Variants in STK32B observed in about 807,000 individuals in gnomAD.
STK32B encodes serine/threonine kinase 32B.
In STK32B, 43 loss-of-function variants were observed where a neutral mutation model predicts 52.6. That is an observed-to-expected ratio of 0.82 (90% CI 0.64 to 1.05). The LOEUF (loss-of-function observed/expected upper bound fraction) is 1.05, where lower values mean the gene tolerates loss of function less well. Among genes scored for constraint, STK32B ranks in the 50% least tolerant of loss-of-function variants. STK32B has a pLI of 0.00. For missense variants in STK32B, 621 were observed against 534.6 expected (o/e 1.16, Z -1.59); for synonymous variants, 238 against 204.3 (o/e 1.17, Z -1.41).
At chr4:5,110,803 A>G (rs1278159893) in intron 1 of STK32B, among the ~76,000 whole-genome samples, 3 of 152,170 alleles carry the variant, frequency 2.0e-5, no homozygotes, top group African/African-American at 7.2e-5. Flanking sequence ...AGCAAAAGAA[A>G]TAATCAACAG....
At chr4:5,262,884 C>T (rs1307561029) in intron 3 of STK32B, among the ~76,000 whole-genome samples, 11 of 152,056 alleles carry the variant, frequency 7.2e-5, no homozygotes, top group Non-Finnish European at 8.8e-5. Flanking sequence ...GTATTTTTCA[C>T]AGTAAACATT....
At chr4:5,030,689 A>G in the STK32B span, among the ~76,000 whole-genome samples, 1 of 152,256 alleles carries the variant, frequency 6.6e-6, no homozygotes, top group South Asian at 2.1e-4. Flanking sequence ...ATTAATTAAT[A>G]GTGGAGCCCA....
chr4:5,471,446 G>A (rs552426942), intron 11 of STK32B, among the ~76,000 whole-genome samples: 5 of 152,112 alleles, frequency 3.3e-5, no homozygotes, highest in Non-Finnish European at 5.9e-5. Flanking sequence ...GCCATCCAGC[G>A]CTGGGAGGAA....
chr4:5,376,862 C>T (rs915851891), intron 4 of STK32B, among the ~76,000 whole-genome samples: 1 of 152,158 alleles, frequency 6.6e-6, no homozygotes, highest in Non-Finnish European at 1.5e-5. Context: ...CATGCTCTGC[C>T]CTCGGCCTGC....
chr4:5,365,472 C>A (rs1734815830), intron 4 of STK32B, among the ~76,000 whole-genome samples: 1 of 152,138 alleles, frequency 6.6e-6, no homozygotes, highest in African/African-American at 2.4e-5. Flanking sequence ...TAAATATAAC[C>A]TCTTTTTATT....
At chr4:5,449,520 C>A (rs1385073244) in intron 7 of STK32B, among the ~76,000 whole-genome samples, 1 of 152,196 alleles carries the variant, frequency 6.6e-6, no homozygotes, top group Non-Finnish European at 1.5e-5. Flanking sequence ...GCAGAGGGAC[C>A]AAGTCCTGTT....
Position 5,334,238 on chromosome 4 carries a change from A to C in STK32B, c.434+2845A>C, listed in dbSNP as rs1224092479. ...CTAGGTATTTTATTGTCTTTGAAGCAATTGTGAATGGGAATTCACTCATGA... is the reference window on the plus strand; with the variant it reads ...CTAGGTATTTTATTGTCTTTGAAGCCATTGTGAATGGGAATTCACTCATGA... On this transcript the variant is annotated intron_variant, in intron 4 of 11. Transcript: ENST00000282908. Among the ~76,000 whole-genome samples the C allele has an allele frequency of 3.3e-5, 5 of 152,090 alleles. No homozygotes were observed. In the South Asian group the frequency reaches 8.3e-4, roughly 25 times the overall value.
Position 5,168,375 on chromosome 4 carries a change from G to C in STK32B, c.185G>C (p.Arg62Thr), listed in dbSNP as rs541483207. ...ATGAACAAGCAGAAGTGCATCGAGAGGGATGAGGTTCGGAATGTTTTCCGG... is the reference window on the plus strand; with the variant it reads ...ATGAACAAGCAGAAGTGCATCGAGACGGATGAGGTTCGGAATGTTTTCCGG... ...KYMNKQKCIE[R>T]DEVRNVFREL... Residue 62 changes from arginine to threonine, a missense_variant, in exon 3 of 12, where the codon AGG (arginine) becomes ACG (threonine). Transcript: ENST00000282908. 4.3e-6 allele frequency: 7 copies of C among 1,613,936 alleles called. No homozygotes were observed. In the South Asian group the frequency reaches 4.4e-5, roughly 10 times the overall value.
intron 4 of STK32B, among the ~76,000 whole-genome samples, chr4:5,364,496 T>A (rs1577398849): frequency 6.6e-6 from 1 of 151,374 alleles, no homozygotes; most frequent in African/African-American, 2.4e-5. Flanking sequence ...TGGAAGGGGG[T>A]TTCTCTTTCA....
At chr4:5,262,546 A>G (rs1005023522) in intron 3 of STK32B, among the ~76,000 whole-genome samples, 5 of 151,492 alleles carry the variant, frequency 3.3e-5, no homozygotes, top group Non-Finnish European at 7.4e-5. Context: ...AATGGCGTGA[A>G]CCTGGGAGAT....
At chr4:5,140,114 T>C in intron 2 of STK32B, 154 bp downstream of exon 2, 2 of 1,404,372 alleles carry the variant, frequency 1.4e-6, no homozygotes, top group East Asian at 4.7e-5. Flanking sequence ...ATAGTTTCCT[T>C]GCGATCTGGT....
intron 1 of STK32B, among the ~76,000 whole-genome samples, chr4:5,112,317 T>C (rs1190494594): frequency 6.6e-6 from 1 of 152,160 alleles, no homozygotes; most frequent in Non-Finnish European, 1.5e-5. Context: ...TTATAAGGAA[T>C]TGATTCATGT....
chr4:5,402,988 C>G (rs73093887), intron 5 of STK32B, among the ~76,000 whole-genome samples: 2,131 of 152,282 alleles, frequency 0.014, 43 homozygotes, highest in African/African-American at 0.043. Flanking sequence ...GAAACCTGAC[C>G]TGGATCTTCA....
chr4:5,196,002 T>C (rs550224309), intron 3 of STK32B, among the ~76,000 whole-genome samples: 1 of 152,350 alleles, frequency 6.6e-6, no homozygotes, highest in South Asian at 2.1e-4. Flanking sequence ...CTTACACTGT[T>C]ACCTGCCAAA....
At chr4:5,448,561 A>G (rs1484899473) in intron 7 of STK32B, among the ~76,000 whole-genome samples, 4 of 152,250 alleles carry the variant, frequency 2.6e-5, no homozygotes, top group South Asian at 2.1e-4. Flanking sequence ...GCAATCAAAG[A>G]TGATAGCTTG....
chr4:5,381,678 T>C (rs1735944664), intron 4 of STK32B, among the ~76,000 whole-genome samples: 1 of 152,234 alleles, frequency 6.6e-6, no homozygotes, highest in South Asian at 2.1e-4. Flanking sequence ...TTGTAATACA[T>C]TTCTTTTTCT....
intron 3 of STK32B, among the ~76,000 whole-genome samples, chr4:5,306,316 A>G (rs559182031): frequency 1.6e-4 from 24 of 152,072 alleles, no homozygotes; most frequent in Non-Finnish European, 3.1e-4. Context: ...GAAGTCCCCC[A>G]TTATTATTGC....
At chr4:5,480,579 G>GTT (rs34446697) in intron 11 of STK32B, among the ~76,000 whole-genome samples, 1 of 149,394 alleles carries the variant, frequency 6.7e-6, no homozygotes, top group Non-Finnish European at 1.5e-5. Context: ...TGGAGACCAC[G>GTT]TTTTTTTTTT....
At chr4:5,081,011 CT>C (rs1383752620) in intron 1 of STK32B, among the ~76,000 whole-genome samples, 4 of 152,070 alleles carry the variant, frequency 2.6e-5, no homozygotes, top group Non-Finnish European at 5.9e-5. Context: ...GTGAGTTTGG[CT>C]TTTTTTAGAG....
Sources: allele counts gnomAD v4.1 joint callset (sites outside exome capture counted in the v4.1 genomes callset), GRCh38; gene constraint gnomAD v4.1.1; transcripts MANE v1.5; gene names NCBI Gene and HGNC (gene_info 2026-07-23, HGNC 2026-07-21).